GPAT3: variants seen among roughly 807,000 people sequenced by gnomAD.
GPAT3 encodes glycerol-3-phosphate acyltransferase 3.
In GPAT3, 53 loss-of-function variants were observed where a neutral mutation model predicts 58.8. The ratio of observed to expected loss-of-function variants is 0.90; its 90% CI spans 0.72 to 1.13. The LOEUF is 1.13. GPAT3 is among the 50% of genes most tolerant of loss of function. GPAT3 has a pLI of 0.00. For synonymous variants in GPAT3, 197 were observed against 187.4 expected, an observed-to-expected ratio of 1.05 and a Z score of -0.42; for missense variants, 511 against 527.6, an observed-to-expected ratio of 0.97 and a Z score of 0.31.
At chr4:83,545,921 G>A (rs368443375) in intron 2 of GPAT3, among the ~76,000 whole-genome samples, 8 of 151,856 alleles carry the variant, frequency 5.3e-5, no homozygotes, top group Non-Finnish European at 1.0e-4. Flanking sequence ...GGTGATTGTG[G>A]TACATGTTTT....
At chr4:83,544,009 G>C (rs539276876) in intron 1 of GPAT3, among the ~76,000 whole-genome samples, 25 of 152,192 alleles carry the variant, frequency 1.6e-4, no homozygotes, top group Admixed American at 1.0e-3. Context: ...GCTTATTTCT[G>C]ATGCATCTTT....
In GPAT3 at chr4:83,562,187, ATATATATATATAATATATATATAT is replaced by A. The variant is rs1560610741; in HGVS notation, c.208+17598_208+17621del. Among the ~76,000 whole-genome samples, 267 of 52,896 alleles carry A rather than the reference ATATATATATATAATATATATATAT, an allele frequency of 5.0e-3. 11 individuals carry two copies. The highest frequency in any genetic ancestry group is 0.028 in the African/African-American group (254 of 9,148). The allele number at this position is 52,896 out of a possible 152,430, so 34.7% of individuals were successfully genotyped here. A position where few individuals can be genotyped will look rare whatever the true frequency, so the allele number is the denominator to read the frequency against. On this transcript the variant is annotated intron_variant, in intron 2 of 11. Coordinates refer to ENST00000264409, the MANE Select transcript of GPAT3 (RefSeq NM_032717.5). ...TCTAGTTATTTTATATATTATATAT[ATATATATATATAATATATATATAT>A]TATATATATATATAATATATATATA...
intron 3 of GPAT3, among the ~76,000 whole-genome samples, chr4:83,586,090 A>G (rs1045720046): frequency 6.6e-6 from 1 of 152,110 alleles, no homozygotes; most frequent in Admixed American, 6.6e-5. Context: ...TGATAATATT[A>G]TTGCCTCATA....
chr4:83,596,967 G>C, intron 8 of GPAT3, 54 bp downstream of exon 8: 3 of 1,508,386 alleles, frequency 2.0e-6, no homozygotes, highest in Non-Finnish European at 2.7e-6. Flanking sequence ...ACCATCAAAA[G>C]TGTGTGAGGA....
chr4:83,587,454 T>G, intron 4 of GPAT3, 125 bp downstream of exon 4: 2 of 890,260 alleles, frequency 2.2e-6, no homozygotes, highest in Non-Finnish European at 3.3e-6. Flanking sequence ...TGAGACGGAG[T>G]CTCGTACTGT....
intron 2 of GPAT3, among the ~76,000 whole-genome samples, chr4:83,548,887 G>C (rs1560603713): frequency 6.6e-6 from 1 of 152,168 alleles, no homozygotes; most frequent in Non-Finnish European, 1.5e-5. Flanking sequence ...TACCTATTTG[G>C]AGAGAATTCA....
chr4:83,577,140 A>T (rs1725850086), intron 2 of GPAT3, among the ~76,000 whole-genome samples: 1 of 152,250 alleles, frequency 6.6e-6, no homozygotes, highest in South Asian at 2.1e-4. Context: ...AACGTTAGGC[A>T]AATCCAAATT....
chr4:83,563,886 C>G (rs1394411805), intron 2 of GPAT3, among the ~76,000 whole-genome samples: 1 of 152,166 alleles, frequency 6.6e-6, no homozygotes, highest in Admixed American at 6.5e-5. Flanking sequence ...AAACCTTTCT[C>G]TATTATTACT....
chr4:83,587,355 A>G lies in GPAT3; in HGVS notation c.554+26A>G, dbSNP rs374253328. On this transcript the variant is annotated intron_variant, in intron 4 of 11. Transcript: ENST00000264409. ...GTGAAATGTTTCCTTCCATCCAGCC[A>G]TATATAGGACTGTCTTTTTTCTTAG... The G allele has an allele frequency of 8.8e-6, 14 of 1,589,646 alleles. 1 individual carries two copies. Among genetic ancestry groups the G allele is most frequent in the South Asian group, 2.2e-5 (2 of 90,018 alleles).
At chr4:83,547,450 C>A (rs1413746067) in intron 2 of GPAT3, among the ~76,000 whole-genome samples, 1 of 151,822 alleles carries the variant, frequency 6.6e-6, no homozygotes, top group Non-Finnish European at 1.5e-5. Context: ...GACGGGGTTT[C>A]ACCGTGTTAG....
rs1003897556 is a variant in GPAT3, at chr4:83,581,463, C to T, written c.209-99C>T. 8.0e-5 allele frequency: 103 copies of T among 1,294,038 alleles called. 1 individual carries two copies. Among genetic ancestry groups the T allele is most frequent in the Non-Finnish European group, 1.0e-4 (95 of 935,276 alleles). The allele number at this position is 1,294,038 out of a possible 1,614,324, so 80.2% of individuals were successfully genotyped here. On this transcript the variant is annotated intron_variant, in intron 2 of 11. Coordinates refer to ENST00000264409, the MANE Select transcript of GPAT3 (RefSeq NM_032717.5). The stretch of plus-strand genomic sequence containing the variant: ...TGATGTCACCCATTAAACTTATTTA[C>T]TTGTTTGGCATATTTAACTTCTACA...
chr4:83,559,512 TG>T (rs928658480), intron 2 of GPAT3, among the ~76,000 whole-genome samples: 5 of 152,058 alleles, frequency 3.3e-5, no homozygotes, highest in African/African-American at 1.2e-4. Context: ...TTAGTAGAGA[TG>T]GGGTTTCACT....
chr4:83,537,591 ATGTGTGTGTG>A lies in GPAT3; in HGVS notation c.141+854_141+863del, dbSNP rs113407081. ...AAAAAAATTTAATTATATGTATAAT[ATGTGTGTGTG>A]TGTGTGTGTGTGTGTGTGTGTGTGT... On this transcript the variant is annotated intron_variant, in intron 1 of 11. Transcript: ENST00000264409. Among the ~76,000 whole-genome samples the A allele has an allele frequency of 1.7e-4, 25 of 145,274 alleles. No homozygotes were observed. The East Asian group carries it at 2.8e-3, about 16-fold the overall frequency.
intron 2 of GPAT3, among the ~76,000 whole-genome samples, chr4:83,578,948 T>TTTTCTTTC (rs1553946757): frequency 3.2e-4 from 23 of 71,844 alleles, no homozygotes; most frequent in Admixed American, 6.5e-4. Context: ...TTTTCTTTTC[T>TTTTCTTTC]TTTCTTTCTT....
intron 1 of GPAT3, among the ~76,000 whole-genome samples, chr4:83,540,455 A>T (rs1210891368): frequency 1.3e-5 from 2 of 152,090 alleles, no homozygotes; most frequent in Non-Finnish European, 2.9e-5. Flanking sequence ...CTGTCTTTGT[A>T]TTTGGGTGGA....
chr4:83,584,884 T>C (rs1210519059), intron 3 of GPAT3, among the ~76,000 whole-genome samples: 1 of 152,228 alleles, frequency 6.6e-6, no homozygotes, highest in Non-Finnish European at 1.5e-5. Flanking sequence ...AGACTGTGGC[T>C]GAAAACTTAT....
chr4:83,593,320 A>G (rs1215434309), intron 6 of GPAT3, among the ~76,000 whole-genome samples: 2 of 150,930 alleles, frequency 1.3e-5, no homozygotes, highest in African/African-American at 2.4e-5. Context: ...GACCATCACC[A>G]CACCCAGCTA....
chr4:83,578,948 T>TTTCTTTTCTTTTCTTTCTTTC (rs1553946756), intron 2 of GPAT3, among the ~76,000 whole-genome samples: 2 of 71,848 alleles, frequency 2.8e-5, no homozygotes, highest in Non-Finnish European at 5.5e-5. Context: ...TTTTCTTTTC[T>TTTCTTTTCTTTTCTTTCTTTC]TTTCTTTCTT....
chr4:83,566,860 C>T (rs1375351942), intron 2 of GPAT3, among the ~76,000 whole-genome samples: 1 of 150,264 alleles, frequency 6.7e-6, no homozygotes. Flanking sequence ...AAATTTTCCT[C>T]AGATAGGTAT....
Sources: allele counts gnomAD v4.1 joint callset (sites outside exome capture counted in the v4.1 genomes callset), GRCh38; gene constraint gnomAD v4.1.1; transcripts MANE v1.5; gene names NCBI Gene and HGNC (gene_info 2026-07-23, HGNC 2026-07-21).